The following PTPA variants were observed in gnomAD, a reference collection of about 807,000 sequenced individuals.
PTPA encodes the protein serine/threonine-protein phosphatase 2A activator.
PTPA carries 13 observed loss-of-function variants against 43.6 expected under a neutral mutation model. The observed-to-expected ratio is 0.30, with a 90% CI of 0.19 to 0.47. PTPA has a LOEUF of 0.47. Among genes scored for constraint, PTPA ranks in the 20% least tolerant of loss-of-function variants. The probability of loss-of-function intolerance (pLI) is 0.99; values close to 1 mark genes in which losing one functional copy is unlikely to be tolerated. For missense variants in PTPA, 329 were observed against 411.9 expected, an observed-to-expected ratio of 0.80 and a Z score of 1.74; for synonymous variants, 172 against 158.2, an observed-to-expected ratio of 1.09 and a Z score of -0.66.
rs17459347 is a variant in PTPA at position 129,143,635 on chromosome 9, C to T, written c.894+1083C>T. The T allele has an allele frequency of 1.4e-4, 77 of 564,300 alleles. 1 individual carries two copies. The highest frequency in any genetic ancestry group is 1.3e-3 in the East Asian group (46 of 34,548). 35.0% of individuals were successfully genotyped at this position (564,300 alleles called of 1,614,324 possible). ...TTAATGAGGCTTGAACTGAACAGAC[C>T]GGGCCCTCACTCCCTTCCGCCCCCT... On this transcript the variant is annotated intron_variant, in intron 9 of 9. Coordinates refer to ENST00000393370, the MANE Select transcript of PTPA (RefSeq NM_178000.3).
intron 3 of PTPA, 63 bp downstream of exon 3, chr9:129,123,201 C>T (rs1016240696): frequency 1.2e-5 from 17 of 1,404,594 alleles, no homozygotes; most frequent in South Asian, 9.3e-5. Flanking sequence ...TCACTGGGTG[C>T]GGTGGCTCAC....
At chr9:129,146,411 G>A (rs1352856277) in intron 9 of PTPA, among the ~76,000 whole-genome samples, 2 of 152,172 alleles carry the variant, frequency 1.3e-5, no homozygotes, top group East Asian at 1.9e-4. Context: ...GAGGGAACCT[G>A]GGCCAGTCAT....
chr9:129,132,388 G>A (rs1372565812), intron 5 of PTPA, among the ~76,000 whole-genome samples: 1 of 152,144 alleles, frequency 6.6e-6, no homozygotes, highest in Admixed American at 6.5e-5. Flanking sequence ...GCAGTGCAGT[G>A]ATGTGATCTT....
intron 9 of PTPA, among the ~76,000 whole-genome samples, chr9:129,144,448 A>C (rs2131630986): frequency 6.6e-6 from 1 of 152,236 alleles, no homozygotes; most frequent in East Asian, 1.9e-4. Flanking sequence ...CTTTAAGATC[A>C]CCAAGTCAGG....
intron 1 of PTPA, among the ~76,000 whole-genome samples, chr9:129,112,951 A>G (rs958643345): frequency 2.0e-5 from 3 of 151,808 alleles, no homozygotes; most frequent in African/African-American, 7.3e-5. Context: ...CCCCCCAAAA[A>G]AAAAACCGGG....
At chr9:129,127,968 G>T (rs1275514349) in intron 3 of PTPA, 1 of 1,332,140 alleles carries the variant, frequency 7.5e-7, no homozygotes, top group Admixed American at 2.1e-5. Flanking sequence ...ATGTAGATGT[G>T]GAATGAGGTT....
Position 129,124,111 on chromosome 9 carries a change from C to G in PTPA, c.216+973C>G, listed in dbSNP as rs750012779. ...GATCTCTCCCTGTGTTTCTCATACC[C>G]AGCTTCCAGGGCAGCCCCTCCTGAC... On this transcript the variant is annotated intron_variant, in intron 3 of 9. Transcript: ENST00000393370. Among the ~76,000 whole-genome samples, 4 of 152,346 alleles carry G rather than the reference C, an allele frequency of 2.6e-5. 1 individual carries two copies. The highest frequency in any genetic ancestry group is 5.9e-5 in the Non-Finnish European group (4 of 68,026).
chr9:129,111,043 G>A (rs183904666), upstream of PTPA: 48 of 1,369,304 alleles, frequency 3.5e-5, no homozygotes, highest in African/African-American at 3.2e-4. Flanking sequence ...GTAGTGGTGT[G>A]CACCTTTCCA....
At chr9:129,146,202 C>T (rs1564206806) in intron 9 of PTPA, among the ~76,000 whole-genome samples, 2 of 152,150 alleles carry the variant, frequency 1.3e-5, no homozygotes, top group Non-Finnish European at 2.9e-5. Context: ...CTCCCCCTCC[C>T]GCCCAGGGAC....
chr9:129,147,833 T>A lies in PTPA; in HGVS notation c.*369T>A, dbSNP rs988745390. 6 of 235,450 alleles carry A rather than the reference T, an allele frequency of 2.5e-5. No homozygotes were observed. In the South Asian group the frequency reaches 3.2e-4, roughly 13 times the overall value. The allele number at this position is 235,450 out of a possible 1,614,324, so 14.6% of individuals were successfully genotyped here. On this transcript the variant is annotated 3_prime_UTR_variant, in exon 10 of 10. Transcript: ENST00000393370. ...AGCACCGCAGGGAAGGGAGGAGAGA[T>A]ACCTGCTGCTTCCATTGCTTTTCCC... is the stretch of plus-strand genomic sequence containing the variant.
chr9:129,144,534 C>T (rs944537742), intron 9 of PTPA, among the ~76,000 whole-genome samples: 3 of 150,748 alleles, frequency 2.0e-5, no homozygotes, highest in Admixed American at 1.3e-4. Context: ...GTCAGGAGAT[C>T]GAGACCATCC....
intron 5 of PTPA, among the ~76,000 whole-genome samples, chr9:129,134,170 C>G (rs17508847): frequency 3.3e-5 from 5 of 152,112 alleles, no homozygotes; most frequent in African/African-American, 1.2e-4. Context: ...GTAACATGGA[C>G]AGTGACTGCT....
intron 1 of PTPA, among the ~76,000 whole-genome samples, chr9:129,118,374 TA>T (rs1386982234): frequency 6.6e-6 from 1 of 151,748 alleles, no homozygotes; most frequent in African/African-American, 2.4e-5. Context: ...TTCTAATTAA[TA>T]AAAAATTTTT....
At chr9:129,125,094 T>C (rs919561435) in intron 3 of PTPA, among the ~76,000 whole-genome samples, 4 of 152,032 alleles carry the variant, frequency 2.6e-5, no homozygotes, top group Non-Finnish European at 5.9e-5. Context: ...AGGGGGTTCC[T>C]CCTGGAGCCT....
chr9:129,136,697 C>T, intron 7 of PTPA, 102 bp downstream of exon 7: 7 of 1,345,548 alleles, frequency 5.2e-6, no homozygotes, highest in Non-Finnish European at 3.0e-6. Context: ...TCTTCCTGCC[C>T]AGGGCAGACA....
intron 3 of PTPA, among the ~76,000 whole-genome samples, chr9:129,125,975 C>G (rs896815002): frequency 2.6e-5 from 4 of 151,810 alleles, no homozygotes; most frequent in African/African-American, 9.7e-5. Flanking sequence ...GGTGGAACCC[C>G]GTCTCTACTA....
intron 1 of PTPA, among the ~76,000 whole-genome samples, chr9:129,113,880 G>C (rs1307970911): frequency 6.6e-6 from 1 of 152,146 alleles, no homozygotes; most frequent in African/African-American, 2.4e-5. Context: ...GATGAGTGGG[G>C]GTGGGGAGTG....
chr9:129,135,561 T>G (rs973217234), intron 6 of PTPA, among the ~76,000 whole-genome samples: 1 of 152,222 alleles, frequency 6.6e-6, no homozygotes, highest in Non-Finnish European at 1.5e-5. Flanking sequence ...GGCACAGAGA[T>G]ATCCGGTGTC....
intron 9 of PTPA, chr9:129,143,687 C>T (rs997254978): frequency 1.7e-5 from 8 of 469,636 alleles, no homozygotes; most frequent in Non-Finnish European, 3.1e-5. Context: ...TCCTCTGGAC[C>T]TCACATCCTG....
Sources: gnomAD v4.1 joint callset for allele counts (sites outside exome capture counted in the v4.1 genomes callset) on GRCh38, gnomAD v4.1.1 for gene constraint, MANE v1.5 for transcripts, NCBI Gene and HGNC (gene_info 2026-07-23, HGNC 2026-07-21) for gene names.